The following SPATA6 variants were observed in gnomAD, a reference collection of about 807,000 sequenced individuals.
SPATA6 encodes spermatogenesis-associated protein 6.
In SPATA6, 56 loss-of-function variants were observed where a neutral mutation model predicts 65.3. The observed-to-expected ratio is 0.86, with a 90% confidence interval of 0.69 to 1.07. The LOEUF (loss-of-function observed/expected upper bound fraction) is 1.07, where lower values mean the gene tolerates loss of function less well. Among genes scored for constraint, SPATA6 ranks in the 50% least tolerant of loss-of-function variants. SPATA6 has a pLI of 0.00. For missense variants in SPATA6, 590 were observed against 594.8 expected (o/e 0.99, Z 0.08); for synonymous variants, 199 against 213.2 (o/e 0.93, Z 0.58).
At chr1:48,341,100 A>G (rs1646202979) in intron 11 of SPATA6, among the ~76,000 whole-genome samples, 1 of 152,228 alleles carries the variant, frequency 6.6e-6, no homozygotes, top group Non-Finnish European at 1.5e-5. Flanking sequence ...TGTGCTAGCA[A>G]GGATGGGGAG....
rs184924734 is a variant in SPATA6 at position 48,330,302 on chromosome 1, C to T, written c.1195-24424G>A. On this transcript the variant is annotated intron_variant, in intron 11 of 12. Transcript: ENST00000371847. ...CAGACCACAGAGCATGAGACCCCAA[C>T]AGCCCTAGTCACTGGTAGCCAGGCA... 1.6e-4 allele frequency among the ~76,000 whole-genome samples: 24 copies of T among 152,212 alleles called. 1 individual carries two copies. The East Asian group carries it at 2.7e-3, about 17-fold the overall frequency.
At position 48,295,658 on chromosome 1, in the gene SPATA6, T is replaced by C. The variant is rs1420525826; in HGVS notation, c.*3055A>G. The C allele has an allele frequency of 6.6e-6, 1 of 152,218 alleles. No individual in the cohort carries two copies. Among genetic ancestry groups the C allele is most frequent in the African/African-American group, 2.4e-5 (1 of 41,470 alleles). 9.4% of individuals were successfully genotyped at this position (152,218 alleles called of 1,614,324 possible). A position where few individuals can be genotyped will look rare whatever the true frequency, so the allele number is the denominator to read the frequency against. On this transcript the variant is annotated 3_prime_UTR_variant, in exon 13 of 13. Transcript: ENST00000371847. ...AAATATTCTGTAATTAGTGAGTGGT[T>C]ATTGTTGCACAACTCTGTGAATATA...
intron 3 of SPATA6, chr1:48,435,899 G>A: frequency 6.8e-7 from 1 of 1,467,010 alleles, no homozygotes; most frequent in Non-Finnish European, 9.5e-7. Flanking sequence ...TTGAAAGGAA[G>A]ATAAAACAAA....
intron 3 of SPATA6, among the ~76,000 whole-genome samples, chr1:48,430,238 G>A (rs1402588091): frequency 1.3e-5 from 2 of 152,074 alleles, no homozygotes; most frequent in South Asian, 4.1e-4. Context: ...TAGCACAAAA[G>A]ACAAGCCACA....
intron 4 of SPATA6, 72 bp from the exon 5 acceptor site, chr1:48,411,660 A>C: frequency 7.6e-7 from 1 of 1,311,744 alleles, no homozygotes; most frequent in Non-Finnish European, 9.9e-7. Flanking sequence ...ATCAAGTATG[A>C]TATATCTACT....
intron 1 of SPATA6, among the ~76,000 whole-genome samples, chr1:48,467,747 G>T (rs1657919986): frequency 6.6e-6 from 1 of 152,078 alleles, no homozygotes; most frequent in Non-Finnish European, 1.5e-5. Flanking sequence ...TGGGCAAGAG[G>T]TCTGACTAGA....
At chr1:48,278,091 G>C in the SPATA6 span, among the ~76,000 whole-genome samples, 1 of 152,276 alleles carries the variant, frequency 6.6e-6, no homozygotes, top group Non-Finnish European at 1.5e-5. Flanking sequence ...TGGACCTCTA[G>C]CAAACTCCAA....
intron 9 of SPATA6, among the ~76,000 whole-genome samples, chr1:48,365,496 C>G (rs1167141730): frequency 1.3e-5 from 2 of 149,438 alleles, no homozygotes; most frequent in African/African-American, 4.9e-5. Context: ...TTATAGTTCT[C>G]CTTGAAGAGG....
chr1:48,420,086 G>C (rs920834148), intron 3 of SPATA6, among the ~76,000 whole-genome samples: 3 of 152,100 alleles, frequency 2.0e-5, no homozygotes, highest in Non-Finnish European at 4.4e-5. Flanking sequence ...GGAGGAGAGA[G>C]GAGTGGAGGG....
intron 1 of SPATA6, among the ~76,000 whole-genome samples, chr1:48,454,259 T>C (rs1378803184): frequency 6.6e-6 from 1 of 152,122 alleles, no homozygotes; most frequent in Non-Finnish European, 1.5e-5. Flanking sequence ...AATATAATAT[T>C]ACCCAACACT....
Position 48,296,881 on chromosome 1 carries a change from A to G in SPATA6, c.*1832T>C, listed in dbSNP as rs1644822172. 6.6e-6 allele frequency: 1 copy of G among 152,150 alleles called. No homozygotes were observed. The highest frequency in any genetic ancestry group is 2.4e-5 in the African/African-American group (1 of 41,432). 9.4% of individuals were successfully genotyped at this position (152,150 alleles called of 1,614,324 possible). A position where few individuals can be genotyped will look rare whatever the true frequency, so the allele number is the denominator to read the frequency against. ...GTGGTACATGCTAAATTTAGTTTAG[A>G]AAATTCTGGGTTAATTCGATAAATA... On this transcript the variant is annotated 3_prime_UTR_variant, in exon 13 of 13. Transcript: ENST00000371847.
At chr1:48,387,836 CTGG>C (rs1649640062) in intron 8 of SPATA6, among the ~76,000 whole-genome samples, 2 of 152,230 alleles carry the variant, frequency 1.3e-5, no homozygotes, top group Non-Finnish European at 2.9e-5. Flanking sequence ...AGCCTGGGGA[CTGG>C]CACACCTAGA....
chr1:48,370,931 CA>C (rs1290417987), intron 9 of SPATA6, among the ~76,000 whole-genome samples: 3 of 152,088 alleles, frequency 2.0e-5, no homozygotes, highest in Non-Finnish European at 4.4e-5. Flanking sequence ...AACAAACTGA[CA>C]AACTTTCTGA....
intron 12 of SPATA6, among the ~76,000 whole-genome samples, chr1:48,304,998 G>A (rs1645026787): frequency 6.6e-6 from 1 of 152,114 alleles, no homozygotes; most frequent in Non-Finnish European, 1.5e-5. Context: ...TTTAAAGAGA[G>A]GCCTAGGTTG....
At chr1:48,272,775 G>T in the SPATA6 span, among the ~76,000 whole-genome samples, 1 of 151,986 alleles carries the variant, frequency 6.6e-6, no homozygotes, top group Non-Finnish European at 1.5e-5. Context: ...TTCCATAACG[G>T]CTATGGAAAA....
In SPATA6 at chr1:48,364,746, G is replaced by A. The variant is rs1403964360; in HGVS notation, c.910-4976C>T. Among the ~76,000 whole-genome samples the A allele has an allele frequency of 3.3e-5, 5 of 152,094 alleles. No homozygotes were observed. The East Asian group carries it at 9.6e-4, about 29-fold the overall frequency. On this transcript the variant is annotated intron_variant, in intron 9 of 12. Transcript: ENST00000371847. ...GCGAAAATTTTCACCCATTTTGTAG[G>A]TTGCCTGTTCACTCTGATGGTAGTT...
At chr1:48,290,945 G>C (rs1469248392), downstream of SPATA6, among the ~76,000 whole-genome samples, 9 of 152,086 alleles carry the variant, frequency 5.9e-5, no homozygotes, top group Non-Finnish European at 1.5e-5. Flanking sequence ...CAACGAGACA[G>C]AAAGTTAACA....
intron 3 of SPATA6, among the ~76,000 whole-genome samples, chr1:48,429,131 G>T (rs112390898): frequency 1.4e-4 from 21 of 149,938 alleles, no homozygotes; most frequent in African/African-American, 2.7e-4. Context: ...TGCCAGGATG[G>T]GCAAAAAAAA....
intron 11 of SPATA6, among the ~76,000 whole-genome samples, chr1:48,320,839 A>T (rs182734453): frequency 2.0e-5 from 3 of 152,336 alleles, no homozygotes; most frequent in Non-Finnish European, 4.4e-5. Context: ...TAAGATAAAA[A>T]TAGGAAAAAC....
Sources: gnomAD v4.1 joint callset for allele counts (sites outside exome capture counted in the v4.1 genomes callset) on GRCh38, gnomAD v4.1.1 for gene constraint, MANE v1.5 for transcripts, NCBI Gene and HGNC (gene_info 2026-07-23, HGNC 2026-07-21) for gene names.